RORA: variants seen among roughly 807,000 people sequenced by gnomAD.
RORA encodes nuclear receptor ROR-alpha.
In RORA, 7 loss-of-function variants were observed where a neutral mutation model predicts 69.5. The ratio of observed to expected loss-of-function variants is 0.10; its 90% CI spans 0.06 to 0.19. The LOEUF (loss-of-function observed/expected upper bound fraction) is 0.19. Ranked by LOEUF, RORA falls within the 10% of genes least tolerant of loss-of-function variation. The pLI is 1.00. For synonymous variants in RORA, 261 were observed against 240.8 expected (o/e 1.08, Z -0.78); for missense variants, 457 against 663.0 (o/e 0.69, Z 3.41).
At chr15:61,104,388 A>G (rs937850634) in intron 1 of RORA, among the ~76,000 whole-genome samples, 2 of 152,168 alleles carry the variant, frequency 1.3e-5, no homozygotes, top group African/African-American at 4.8e-5. Flanking sequence ...GGTTGTGTCA[A>G]CAGCTTGCAA....
At chr15:60,932,033 G>T (rs920926378) in intron 1 of RORA, among the ~76,000 whole-genome samples, 1 of 148,822 alleles carries the variant, frequency 6.7e-6, no homozygotes, top group Non-Finnish European at 1.5e-5. Context: ...TGAATCAAGA[G>T]TTTTTTTTTT....
At chr15:60,864,982 G>A (rs1036983109) in intron 1 of RORA, among the ~76,000 whole-genome samples, 3 of 152,190 alleles carry the variant, frequency 2.0e-5, no homozygotes, top group African/African-American at 7.2e-5. Context: ...GGGAACAGTA[G>A]TAGGCATCCA....
intron 1 of RORA, among the ~76,000 whole-genome samples, chr15:60,981,499 C>T (rs1375058104): frequency 6.6e-6 from 1 of 151,968 alleles, no homozygotes; most frequent in Non-Finnish European, 1.5e-5. Flanking sequence ...TCATCTTTTT[C>T]TTTCTTGTTC....
intron 1 of RORA, among the ~76,000 whole-genome samples, chr15:60,939,563 T>C (rs1164500246): frequency 2.6e-5 from 4 of 152,250 alleles, no homozygotes; most frequent in African/African-American, 9.6e-5. Context: ...TAATATATTA[T>C]GCCTTTCGCC....
rs1338897409 is a variant in RORA, at chr15:60,699,045, C to T, written c.167-20359G>A. ...TATGTTGCTTGTCTCCCCAGTTTTT[C>T]TTTTAAATTTTGTTTAGTTTGTTTC... On this transcript the variant is annotated intron_variant, in intron 1 of 10. Transcript: ENST00000335670. 3.3e-5 allele frequency among the ~76,000 whole-genome samples: 5 copies of T among 152,008 alleles called. No homozygotes were observed. The South Asian group carries it at 6.2e-4, about 19-fold the overall frequency.
At chr15:60,515,931 A>T (rs1168771789) in intron 3 of RORA, among the ~76,000 whole-genome samples, 1 of 18,498 alleles carries the variant, frequency 5.4e-5, no homozygotes, top group Non-Finnish European at 8.6e-5. Context: ...ATATATTTAT[A>T]TATATATTTA....
At chr15:60,749,535 A>C (rs1169834381) in intron 1 of RORA, among the ~76,000 whole-genome samples, 1 of 152,232 alleles carries the variant, frequency 6.6e-6, no homozygotes. Flanking sequence ...CAATTTAAGT[A>C]ACCCTTACAT....
chr15:60,694,626 T>C (rs2070876099), intron 1 of RORA, among the ~76,000 whole-genome samples: 1 of 152,200 alleles, frequency 6.6e-6, no homozygotes, highest in Admixed American at 6.5e-5. Context: ...TCGAGGACAC[T>C]CCTCACTGCC....
At chr15:61,165,646 G>A (rs1191698774) in intron 1 of RORA, among the ~76,000 whole-genome samples, 2 of 152,220 alleles carry the variant, frequency 1.3e-5, no homozygotes, top group Non-Finnish European at 2.9e-5. Flanking sequence ...TGAGGGTTCT[G>A]TGGATCACTT....
intron 1 of RORA, among the ~76,000 whole-genome samples, chr15:60,838,004 C>A (rs1418423659): frequency 2.0e-5 from 3 of 152,102 alleles, no homozygotes; most frequent in African/African-American, 7.2e-5. Flanking sequence ...AAATGAACAA[C>A]CCGGCTCTAT....
intron 1 of RORA, among the ~76,000 whole-genome samples, chr15:60,910,605 T>A (rs1164684570): frequency 6.6e-6 from 1 of 152,152 alleles, no homozygotes; most frequent in Non-Finnish European, 1.5e-5. Context: ...ATGGGAGGAC[T>A]GAGACTCAGA....
chr15:61,048,569 C>A (rs1340275962), intron 1 of RORA, among the ~76,000 whole-genome samples: 1 of 152,208 alleles, frequency 6.6e-6, no homozygotes, highest in Admixed American at 6.5e-5. Flanking sequence ...GCCCGGTGAG[C>A]GTCATGGCGG....
intron 1 of RORA, among the ~76,000 whole-genome samples, chr15:60,695,202 C>T (rs1480352756): frequency 6.6e-6 from 1 of 152,150 alleles, no homozygotes; most frequent in Non-Finnish European, 1.5e-5. Context: ...GCATCAGCCC[C>T]ACCCACGTTC....
chr15:60,540,564 AC>A (rs56827621), intron 2 of RORA, among the ~76,000 whole-genome samples: 3,116 of 46,008 alleles, frequency 0.068, 417 homozygotes, highest in African/African-American at 0.13. Flanking sequence ...AATTTCCATG[AC>A]CCCCCCCCCC....
At chr15:61,174,441 G>A (rs546547386) in intron 1 of RORA, among the ~76,000 whole-genome samples, 77 of 152,258 alleles carry the variant, frequency 5.1e-4, no homozygotes, top group African/African-American at 1.6e-3. Flanking sequence ...ACTGGCAACC[G>A]CAAGTAGCCA....
chr15:61,171,248 A>AG lies in RORA; in HGVS notation c.166+57804dup, dbSNP rs139350549. On this transcript the variant is annotated intron_variant, in intron 1 of 10. Coordinates refer to ENST00000335670, the MANE Select transcript of RORA (RefSeq NM_134261.3). ...GTCCTCCACAGCCCTACACCCATCC[A>AG]GGGGCACACGGTGGGTGGGCTATGC... is the stretch of plus-strand genomic sequence containing the variant. 3.9e-3 allele frequency among the ~76,000 whole-genome samples: 600 copies of AG among 152,216 alleles called. 2 individuals carry two copies. The highest frequency in any genetic ancestry group is 0.014 in the South Asian group (69 of 4,808).
chr15:60,784,334 A>C (rs2072306375), intron 1 of RORA, among the ~76,000 whole-genome samples: 1 of 152,222 alleles, frequency 6.6e-6, no homozygotes, highest in Non-Finnish European at 1.5e-5. Context: ...TGCTTCATTA[A>C]GCACATTAAC....
At chr15:61,228,946 C>T in intron 1 of RORA, 107 bp downstream of exon 1, 1 of 329,232 alleles carries the variant, frequency 3.0e-6, no homozygotes, top group Non-Finnish European at 4.3e-6. Context: ...GCCGCAGGCT[C>T]GCGCGCGGCC....
intron 1 of RORA, among the ~76,000 whole-genome samples, chr15:61,097,878 C>T (rs2140738001): frequency 6.6e-6 from 1 of 152,246 alleles, no homozygotes; most frequent in South Asian, 2.1e-4. Context: ...CCTTTTAATT[C>T]CAACTTCACA....
Sources: allele counts gnomAD v4.1 joint callset (sites outside exome capture counted in the v4.1 genomes callset), GRCh38; gene constraint gnomAD v4.1.1; transcripts MANE v1.5; gene names NCBI Gene and HGNC (gene_info 2026-07-23, HGNC 2026-07-21).